The following MOB1B variants were observed in gnomAD, a reference collection of about 807,000 sequenced individuals.
MOB1B encodes the protein MOB1 Mps One Binder homolog B.
Under a neutral mutation model 24.4 loss-of-function variants are expected in MOB1B, and 19 were observed. The ratio of observed to expected loss-of-function variants is 0.78; its 90% CI spans 0.54 to 1.14. MOB1B has a LOEUF of 1.14. Among genes scored for constraint, MOB1B ranks in the 50% most tolerant of loss-of-function variants. The pLI, the probability that MOB1B is intolerant of heterozygous loss-of-function variation, is 0.00. For missense variants in MOB1B, 243 were observed against 259.6 expected (o/e 0.94, Z 0.44); for synonymous variants, 76 against 82.1 (o/e 0.93, Z 0.40).
chr4:70,963,161 A>C (rs995897499), intron 2 of MOB1B, among the ~76,000 whole-genome samples: 1 of 152,188 alleles, frequency 6.6e-6, no homozygotes, highest in African/African-American at 2.4e-5. Flanking sequence ...TAAATTCAGC[A>C]ATAAGGGCTA....
At chr4:70,976,652 T>C in intron 4 of MOB1B, 1 of 965,366 alleles carries the variant, frequency 1.0e-6, no homozygotes, top group Non-Finnish European at 1.2e-6. Flanking sequence ...GTGACAACAA[T>C]ATAAATAGTT....
In MOB1B at chr4:70,934,476, C is replaced by T. The variant is rs111954589; in HGVS notation, c.15-24398C>T. 7.5e-3 allele frequency among the ~76,000 whole-genome samples: 1,115 copies of T among 148,650 alleles called. 17 individuals carry two copies. Among genetic ancestry groups the T allele is most frequent in the African/African-American group, 0.024 (978 of 40,308 alleles). On this transcript the variant is annotated intron_variant, in intron 1 of 5. Coordinates refer to ENST00000309395, the MANE Select transcript of MOB1B (RefSeq NM_173468.4). ...TATAATTTTTTTTTTCTTTTGAGAC[C>T]GAGTCTTGCTCTGTCACTCCAGGCT...
intron 2 of MOB1B, among the ~76,000 whole-genome samples, chr4:70,962,038 C>A (rs573256704): frequency 1.4e-4 from 22 of 152,060 alleles, no homozygotes; most frequent in African/African-American, 5.3e-4. Flanking sequence ...CTAGCCTGGG[C>A]AAAATCTGTA....
Position 70,961,165 on chromosome 4 carries a change from CTG to C in MOB1B, c.181+2127_181+2128del, listed in dbSNP as rs544610836. On this transcript the variant is annotated intron_variant, in intron 2 of 5. Transcript: ENST00000309395. ...ATTAAGCACAGCAAGGGATTAACAACTGTTAATAAAATAGAACAATTACAGTT... is the reference window on the plus strand; with the variant it reads ...ATTAAGCACAGCAAGGGATTAACAACTTAATAAAATAGAACAATTACAGTT... Among the ~76,000 whole-genome samples the C allele has an allele frequency of 3.0e-3, 453 of 152,280 alleles. 3 individuals carry two copies. The highest frequency in any genetic ancestry group is 9.8e-3 in the African/African-American group (408 of 41,568).
chr4:70,906,768 C>T (rs1376590083), intron 1 of MOB1B, among the ~76,000 whole-genome samples: 1 of 152,172 alleles, frequency 6.6e-6, no homozygotes, highest in African/African-American at 2.4e-5. Flanking sequence ...GCTAAACTCT[C>T]ATGGTAGATA....
chr4:70,935,681 A>G (rs1176748821), intron 1 of MOB1B, among the ~76,000 whole-genome samples: 1 of 150,574 alleles, frequency 6.6e-6, no homozygotes, highest in African/African-American at 2.4e-5. Flanking sequence ...CTTTTGAGAC[A>G]GGGTCTTACT....
chr4:70,928,382 G>A (rs1736738582), intron 1 of MOB1B, among the ~76,000 whole-genome samples: 1 of 142,942 alleles, frequency 7.0e-6, no homozygotes, highest in Non-Finnish European at 1.5e-5. Context: ...TGCACCCTCT[G>A]CCTCCCGGGT....
chr4:70,970,070 C>T (rs755218788), intron 3 of MOB1B, 46 bp downstream of exon 3: 18 of 1,183,522 alleles, frequency 1.5e-5, no homozygotes, highest in South Asian at 4.4e-5. Context: ...CATTATTTTA[C>T]GGTTCTTAAA....
rs753258482 is a variant in MOB1B at position 70,958,843 on chromosome 4, T to C, written c.15-31T>C. The C allele has an allele frequency of 2.5e-6, 4 of 1,580,548 alleles. No individual in the cohort carries two copies. The African/African-American group carries it at 5.5e-5, about 22-fold the overall frequency. On this transcript the variant is annotated intron_variant, in intron 1 of 5. Transcript: ENST00000309395. ...CTATTGAATGTCATGCCTTAAATAT[T>C]AAACCCTTTTTTTTTCTTTTCTATT... is the stretch of plus-strand genomic sequence containing the variant.
chr4:70,938,421 G>A (rs1421694451), intron 1 of MOB1B, among the ~76,000 whole-genome samples: 1 of 149,262 alleles, frequency 6.7e-6, no homozygotes, highest in Non-Finnish European at 1.5e-5. Context: ...ATAGGCTAGG[G>A]GTCTCGACAT....
rs1238379904 is a variant in MOB1B, at chr4:70,982,138, T to C, written c.*81T>C. 2 of 1,076,450 alleles carry C rather than the reference T, an allele frequency of 1.9e-6. No individual in the cohort carries two copies. The highest frequency in any genetic ancestry group is 2.1e-5 in the Admixed American group (1 of 48,202). 66.7% of individuals were successfully genotyped at this position (1,076,450 alleles called of 1,614,324 possible). The stretch of plus-strand genomic sequence containing the variant: ...GGGATTTTGTTATATTTTGTTTTTA[T>C]CTGGATTGTTTTTGTCCTAGGTTTG... On this transcript the variant is annotated 3_prime_UTR_variant, in exon 6 of 6. Transcript: ENST00000309395.
chr4:70,952,538 G>T (rs1737850787), intron 1 of MOB1B, among the ~76,000 whole-genome samples: 1 of 150,788 alleles, frequency 6.6e-6, no homozygotes, highest in South Asian at 2.1e-4. Context: ...AGCTACTTGG[G>T]AGGCTGAGGC....
intron 2 of MOB1B, among the ~76,000 whole-genome samples, chr4:70,965,415 TATTA>T (rs1317602497): frequency 6.7e-6 from 1 of 148,674 alleles, no homozygotes; most frequent in African/African-American, 2.5e-5. Flanking sequence ...TAATTTAAAA[TATTA>T]ATTATTTAAT....
chr4:70,968,797 A>T (rs984232234), intron 2 of MOB1B, among the ~76,000 whole-genome samples: 1 of 151,654 alleles, frequency 6.6e-6, no homozygotes, highest in Non-Finnish European at 1.5e-5. Context: ...TTTTTAAAAT[A>T]TTTTTTGCAG....
chr4:70,970,670 C>T (rs1268914410), intron 3 of MOB1B, among the ~76,000 whole-genome samples: 3 of 152,196 alleles, frequency 2.0e-5, no homozygotes, highest in Non-Finnish European at 2.9e-5. Context: ...TTAGTGGTAC[C>T]TAAATGTAAG....
At chr4:70,911,433 G>T (rs1323587385) in intron 1 of MOB1B, among the ~76,000 whole-genome samples, 2 of 151,346 alleles carry the variant, frequency 1.3e-5, no homozygotes, top group Non-Finnish European at 2.9e-5. Flanking sequence ...TATAATATAT[G>T]TTATCCTTTT....
At chr4:70,949,326 A>G (rs184544707) in intron 1 of MOB1B, among the ~76,000 whole-genome samples, 1 of 152,216 alleles carries the variant, frequency 6.6e-6, no homozygotes, top group Admixed American at 6.5e-5. Flanking sequence ...GTAAGTAGAT[A>G]TGTCTGTTCA....
In MOB1B at chr4:70,984,768, A is replaced by C. The variant is rs534271503; in HGVS notation, c.*2711A>C. On this transcript the variant is annotated 3_prime_UTR_variant, in exon 6 of 6. Coordinates refer to ENST00000309395, the MANE Select transcript of MOB1B (RefSeq NM_173468.4). ...TAACAAAAAGAGTGAAAATATTTTA[A>C]TTAGCAGTAGATGGTGCTACTGGCT... is the stretch of plus-strand genomic sequence containing the variant. The C allele has an allele frequency of 1.3e-5, 2 of 152,316 alleles. No individual in the cohort carries two copies. Among genetic ancestry groups the C allele is most frequent in the African/African-American group, 2.4e-5 (1 of 41,582 alleles). 9.4% of individuals were successfully genotyped at this position (152,316 alleles called of 1,614,324 possible). A position where few individuals can be genotyped will look rare whatever the true frequency, so the allele number is the denominator to read the frequency against.
chr4:70,967,851 AG>A (rs558384944), intron 2 of MOB1B, among the ~76,000 whole-genome samples: 66 of 151,980 alleles, frequency 4.3e-4, no homozygotes, highest in African/African-American at 1.6e-3. Context: ...TTTTTTGAGG[AG>A]GTTTTGCCCT....
Sources: allele counts gnomAD v4.1 joint callset (sites outside exome capture counted in the v4.1 genomes callset), GRCh38; gene constraint gnomAD v4.1.1; transcripts MANE v1.5; gene names NCBI Gene and HGNC (gene_info 2026-07-23, HGNC 2026-07-21).